Variants in PLA2R1 observed in about 807,000 individuals in gnomAD.
PLA2R1 encodes the protein phospholipase A2 receptor 1.
A neutral mutation model predicts 195.9 loss-of-function variants in PLA2R1; 158 were observed. The ratio of observed to expected loss-of-function variants is 0.81; its 90% CI spans 0.71 to 0.92. The LOEUF (loss-of-function observed/expected upper bound fraction) is 0.92, where lower values mean the gene tolerates loss of function less well. PLA2R1 is among the 40% of genes least tolerant of loss of function. The pLI, the probability that PLA2R1 is intolerant of heterozygous loss-of-function variation, is 0.00. For synonymous variants in PLA2R1, 586 were observed against 598.2 expected, an observed-to-expected ratio of 0.98 and a Z score of 0.30; for missense variants, 1,626 against 1,764.6, an observed-to-expected ratio of 0.92 and a Z score of 1.41.
chr2:159,996,082 A>G (rs1573852408), intron 11 of PLA2R1, among the ~76,000 whole-genome samples: 1 of 152,270 alleles, frequency 6.6e-6, no homozygotes, highest in South Asian at 2.1e-4. Context: ...AATTAAGACT[A>G]AGAAAAATAG....
intron 13 of PLA2R1, among the ~76,000 whole-genome samples, chr2:159,982,867 A>T (rs764047886): frequency 5.3e-5 from 8 of 152,224 alleles, no homozygotes; most frequent in Non-Finnish European, 1.0e-4. Flanking sequence ...TGTTTTCATT[A>T]AATAAATATA....
rs533985551 is a variant in PLA2R1 at position 159,953,937 on chromosome 2, G to A, written c.3301+1262C>T. On this transcript the variant is annotated intron_variant, in intron 23 of 29. Transcript: ENST00000283243. Reference sequence around the variant, plus strand: ...CAACCTCCGCCTCCCGGGTTCAAGCGATTCTCATGCCTCAGCCTCCCTAGT... The same window carrying A: ...CAACCTCCGCCTCCCGGGTTCAAGCAATTCTCATGCCTCAGCCTCCCTAGT... 1.2e-4 allele frequency among the ~76,000 whole-genome samples: 18 copies of A among 152,256 alleles called. 1 individual carries two copies. In the South Asian group the frequency reaches 3.7e-3, roughly 32 times the overall value.
At chr2:160,046,326 C>A (rs1694868715) in intron 1 of PLA2R1, among the ~76,000 whole-genome samples, 1 of 152,168 alleles carries the variant, frequency 6.6e-6, no homozygotes, top group South Asian at 2.1e-4. Flanking sequence ...TTCTATTTTA[C>A]TTCCTGTCTA....
intron 20 of PLA2R1, among the ~76,000 whole-genome samples, chr2:159,957,377 T>TG (rs1688159906): frequency 6.6e-6 from 1 of 152,154 alleles, no homozygotes; most frequent in Non-Finnish European, 1.5e-5. Flanking sequence ...TTTTTTGAGA[T>TG]GGAGTCTTGC....
At chr2:160,053,740 G>T (rs1695362100) in intron 1 of PLA2R1, among the ~76,000 whole-genome samples, 1 of 152,238 alleles carries the variant, frequency 6.6e-6, no homozygotes, top group Non-Finnish European at 1.5e-5. Context: ...AGCATCAATT[G>T]TAGGGCAGGA....
At chr2:159,993,441 A>T (rs1457716118) in intron 11 of PLA2R1, among the ~76,000 whole-genome samples, 1 of 102,576 alleles carries the variant, frequency 9.7e-6, no homozygotes, top group African/African-American at 3.5e-5. Context: ...TGAACTCAAA[A>T]AGTGTTTAAT....
In PLA2R1 at chr2:159,940,528, G is replaced by T. The variant is rs1347949466; in HGVS notation, c.*1250C>A. 4 of 152,060 alleles carry T rather than the reference G, an allele frequency of 2.6e-5. 1 individual carries two copies. The highest frequency in any genetic ancestry group is 4.4e-5 in the Non-Finnish European group (3 of 68,014). The allele number at this position is 152,060 out of a possible 1,614,324, so 9.4% of individuals were successfully genotyped here. ...CTTCCCTCAGCCTCCTAAGTAGCTG[G>T]GACTACAGGTGCGTGCCACCATGCT... On this transcript the variant is annotated 3_prime_UTR_variant, in exon 30 of 30. Transcript: ENST00000283243.
At chr2:159,954,974 T>C (rs1687988757) in intron 23 of PLA2R1, among the ~76,000 whole-genome samples, 1 of 152,176 alleles carries the variant, frequency 6.6e-6, no homozygotes, top group Non-Finnish European at 1.5e-5. Context: ...ATAAATTTGG[T>C]CATCACTCAA....
chr2:160,044,920 C>G lies in PLA2R1; in HGVS notation c.347G>C (p.Arg116Pro). Residue 116 changes from arginine to proline, a missense_variant, in exon 2 of 30, where the codon CGC becomes CCC. Arg to Pro is a moderately radical substitution (Grantham distance 103). Transcript: ENST00000283243. ...CDSTLVSLRW[R>P]CNRKMITGPL... ...GCCTGTGATCATCTTCCTGTTACAGCGCCACCGTAAGGAAACGAGGGTGGA... is the reference window on the plus strand; with the variant it reads ...GCCTGTGATCATCTTCCTGTTACAGGGCCACCGTAAGGAAACGAGGGTGGA... The G allele has an allele frequency of 6.2e-7, 1 of 1,614,076 alleles. No homozygotes were observed. Among genetic ancestry groups the G allele is most frequent in the South Asian group, 1.1e-5 (1 of 91,074 alleles).
the PLA2R1 span, among the ~76,000 whole-genome samples, chr2:159,924,689 A>G: frequency 7.6e-6 from 1 of 131,398 alleles, no homozygotes; most frequent in East Asian, 2.5e-4. Context: ...CTAAGGAAAG[A>G]CCATTTACCT....
At chr2:160,052,605 G>A (rs765154681) in intron 1 of PLA2R1, among the ~76,000 whole-genome samples, 6 of 152,158 alleles carry the variant, frequency 3.9e-5, no homozygotes, top group Non-Finnish European at 8.8e-5. Context: ...TGACTCTGTT[G>A]AAAATATACC....
intron 12 of PLA2R1, among the ~76,000 whole-genome samples, chr2:159,984,905 A>G (rs1406538339): frequency 6.6e-6 from 1 of 152,186 alleles, no homozygotes; most frequent in Non-Finnish European, 1.5e-5. Flanking sequence ...TGAGACCAGA[A>G]TGAATAGCTT....
downstream of PLA2R1, among the ~76,000 whole-genome samples, chr2:159,929,862 G>T (rs1686547796): frequency 8.9e-6 from 1 of 112,104 alleles, no homozygotes; most frequent in Non-Finnish European, 2.0e-5. Flanking sequence ...TTGTGTGTGT[G>T]TGTGTGTGTG....
intron 11 of PLA2R1, among the ~76,000 whole-genome samples, chr2:159,993,250 A>C (rs1362544684): frequency 6.6e-6 from 1 of 152,042 alleles, no homozygotes; most frequent in African/African-American, 2.4e-5. Flanking sequence ...TTTCACCTGA[A>C]TATTTCATTT....
rs1253080763 is a variant in PLA2R1 at position 159,938,998 on chromosome 2, T to C, written c.*2780A>G. ...TCCTCAGGTTAGTCATAGAACATAA[T>C]TGACTGTTGGAGGGGCACATTAACT... On this transcript the variant is annotated 3_prime_UTR_variant, in exon 30 of 30. Coordinates refer to ENST00000283243, the MANE Select transcript of PLA2R1 (RefSeq NM_007366.5). 6.6e-6 allele frequency: 1 copy of C among 152,160 alleles called. No homozygotes were observed. The highest frequency in any genetic ancestry group is 2.4e-5 in the African/African-American group (1 of 41,436). 9.4% of individuals were successfully genotyped at this position (152,160 alleles called of 1,614,324 possible). A position where few individuals can be genotyped will look rare whatever the true frequency, so the allele number is the denominator to read the frequency against.
At chr2:160,026,346 A>G (rs1252673797) in intron 6 of PLA2R1, among the ~76,000 whole-genome samples, 2 of 152,226 alleles carry the variant, frequency 1.3e-5, no homozygotes, top group African/African-American at 4.8e-5. Flanking sequence ...CAAGGATTTT[A>G]TACATAGTAT....
In PLA2R1 at chr2:159,937,241, C is replaced by T. The variant is rs1159470065; in HGVS notation, c.*4537G>A. 6.6e-6 allele frequency: 1 copy of T among 152,182 alleles called. No homozygotes were observed. Among genetic ancestry groups the T allele is most frequent in the African/African-American group, 2.4e-5 (1 of 41,456 alleles). The allele number at this position is 152,182 out of a possible 1,614,324, so 9.4% of individuals were successfully genotyped here. On this transcript the variant is annotated 3_prime_UTR_variant, in exon 30 of 30. Coordinates refer to ENST00000283243, the MANE Select transcript of PLA2R1 (RefSeq NM_007366.5). Reference sequence around the variant, plus strand: ...CTGTTCATTATGCCTGTTACTCTTTCACTTACAGGCATCTTGCTTTACCTG... The same window carrying T: ...CTGTTCATTATGCCTGTTACTCTTTTACTTACAGGCATCTTGCTTTACCTG...
intron 13 of PLA2R1, 102 bp from the exon 14 acceptor site, chr2:159,980,016 C>T (rs1689839248): frequency 1.3e-5 from 8 of 610,020 alleles, no homozygotes; most frequent in Non-Finnish European, 2.4e-5. Flanking sequence ...ACACATGTAA[C>T]TAACCTGCAT....
At chr2:159,951,672 G>C in intron 23 of PLA2R1, 94 bp from the exon 24 acceptor site, 1 of 709,158 alleles carries the variant, frequency 1.4e-6, no homozygotes, top group East Asian at 2.5e-5. Flanking sequence ...TATGATCCAT[G>C]TTGATCAGAG....
Sources: gnomAD v4.1 joint callset for allele counts (sites outside exome capture counted in the v4.1 genomes callset) on GRCh38, gnomAD v4.1.1 for gene constraint, MANE v1.5 for transcripts, NCBI Gene and HGNC (gene_info 2026-07-23, HGNC 2026-07-21) for gene names.